The following CNTNAP5 variants were observed in gnomAD, a reference collection of about 807,000 sequenced individuals.
The protein encoded by CNTNAP5 is contactin associated protein family member 5, also known as contactin-associated protein-like 5.
In CNTNAP5, 72 loss-of-function variants were observed where a neutral mutation model predicts 150.2. That is an observed-to-expected ratio of 0.48 (90% CI 0.40 to 0.58). CNTNAP5 has a LOEUF of 0.58. CNTNAP5 is among the 20% of genes least tolerant of loss of function. The probability of loss-of-function intolerance (pLI) is 0.00; values close to 1 mark genes in which losing one functional copy is unlikely to be tolerated. For missense variants in CNTNAP5, 1,636 were observed against 1,626.2 expected (o/e 1.01, Z -0.10); for synonymous variants, 672 against 619.8 (o/e 1.08, Z -1.25).
At position 124,917,884 on chromosome 2, in the gene CNTNAP5, G is replaced by A. The variant is rs1271313039; in HGVS notation, c.*3596G>A. Among the ~76,000 whole-genome samples, 2 of 152,074 alleles carry A rather than the reference G, an allele frequency of 1.3e-5. No homozygotes were observed. The highest frequency in any genetic ancestry group is 1.5e-5 in the Non-Finnish European group (1 of 68,002). The stretch of plus-strand genomic sequence containing the variant: ...GGTCCCGCACAATTATTTTTGTGAA[G>A]CATCTGCCAGACTGAAAGAAATGTA... On this transcript the variant is annotated 3_prime_UTR_variant, in exon 24 of 24. Transcript: ENST00000682447.
At chr2:124,181,574 A>C (rs1185303226) in intron 1 of CNTNAP5, among the ~76,000 whole-genome samples, 1 of 152,172 alleles carries the variant, frequency 6.6e-6, no homozygotes, top group Non-Finnish European at 1.5e-5. Context: ...TAAGTGGATA[A>C]AGTGTCCCAT....
chr2:124,823,921 T>C (rs935305510), intron 19 of CNTNAP5, among the ~76,000 whole-genome samples: 2 of 149,652 alleles, frequency 1.3e-5, no homozygotes, highest in African/African-American at 2.5e-5. Flanking sequence ...ATTTTTTTTT[T>C]CTTTTTTTTT....
At chr2:124,179,667 T>C (rs1685163139) in intron 1 of CNTNAP5, among the ~76,000 whole-genome samples, 1 of 152,226 alleles carries the variant, frequency 6.6e-6, no homozygotes, top group South Asian at 2.1e-4. Context: ...CCTTTAATTA[T>C]ATGAAATGTC....
chr2:124,883,539 T>A (rs1409391523), intron 21 of CNTNAP5, among the ~76,000 whole-genome samples: 1 of 152,068 alleles, frequency 6.6e-6, no homozygotes, highest in African/African-American at 2.4e-5. Context: ...AATATGGAAT[T>A]TCCAGTTTAA....
intron 3 of CNTNAP5, among the ~76,000 whole-genome samples, chr2:124,390,648 G>C (rs968404801): frequency 1.3e-5 from 2 of 152,124 alleles, no homozygotes; most frequent in East Asian, 3.9e-4. Context: ...ATGTCAGTTT[G>C]TACTAACAGA....
rs763154292 is a variant in CNTNAP5 at position 124,798,180 on chromosome 2, C to T, written c.3077C>T (p.Ser1026Leu). Residue 1026 changes from serine to leucine, a missense_variant, in exon 19 of 24, where the codon TCA becomes TTA. Transcript: ENST00000682447. ...CCTGTGACCAAGAATATAAGCCTCT[C>T]ATCCTCAGCTATTTACACAGATTCA... ...PYPVTKNISL[S>L]SSAIYTDSAP... 24 of 1,613,736 alleles carry T rather than the reference C, an allele frequency of 1.5e-5. No homozygotes were observed. The highest frequency in any genetic ancestry group is 2.0e-5 in the Non-Finnish European group (24 of 1,179,804).
chr2:124,351,061 G>A lies in CNTNAP5; in HGVS notation c.382-66382G>A, dbSNP rs571797412. The stretch of plus-strand genomic sequence containing the variant: ...CTCTGATATCACCTTATCTGTACAC[G>A]ACAGATAGTGTCTTTGATAGTTACA... On this transcript the variant is annotated intron_variant, in intron 3 of 23. Coordinates refer to ENST00000682447, the MANE Select transcript of CNTNAP5 (RefSeq NM_001367498.1). 1.2e-4 allele frequency among the ~76,000 whole-genome samples: 18 copies of A among 152,188 alleles called. 1 individual carries two copies. Among genetic ancestry groups the A allele is most frequent in the East Asian group, 9.7e-4 (5 of 5,180 alleles).
At chr2:124,142,381 T>C (rs539427215) in intron 1 of CNTNAP5, among the ~76,000 whole-genome samples, 3,825 of 151,360 alleles carry the variant, frequency 0.025, 180 homozygotes, top group African/African-American at 0.087. Flanking sequence ...ATTGACCACA[T>C]AGTTGGAAGT....
At chr2:124,206,458 T>C (rs1363936491) in intron 1 of CNTNAP5, among the ~76,000 whole-genome samples, 3 of 152,226 alleles carry the variant, frequency 2.0e-5, no homozygotes, top group African/African-American at 7.2e-5. Context: ...CTTATTTTCC[T>C]AACCTACCAT....
intron 1 of CNTNAP5, among the ~76,000 whole-genome samples, chr2:124,133,867 ATTG>A (rs1168843048): frequency 6.6e-6 from 1 of 152,156 alleles, no homozygotes; most frequent in Non-Finnish European, 1.5e-5. Context: ...TGTATATTTT[ATTG>A]TTTTCTACAG....
At chr2:124,273,458 A>G (rs534866425) in intron 3 of CNTNAP5, among the ~76,000 whole-genome samples, 5 of 152,270 alleles carry the variant, frequency 3.3e-5, no homozygotes, top group Admixed American at 2.0e-4. Context: ...AGCTGACTTA[A>G]TGAGTTTTTC....
At chr2:124,737,402 C>T (rs1016775659) in intron 13 of CNTNAP5, among the ~76,000 whole-genome samples, 1 of 152,040 alleles carries the variant, frequency 6.6e-6, no homozygotes, top group African/African-American at 2.4e-5. Context: ...ACATCAGCCT[C>T]TATGAAGACC....
chr2:124,572,727 A>G (rs1374002132), intron 11 of CNTNAP5, among the ~76,000 whole-genome samples: 2 of 152,208 alleles, frequency 1.3e-5, no homozygotes, highest in Non-Finnish European at 2.9e-5. Flanking sequence ...TCACATTCTC[A>G]GCTCTAGCCC....
intron 10 of CNTNAP5, among the ~76,000 whole-genome samples, chr2:124,528,153 C>A (rs1695020033): frequency 6.6e-6 from 1 of 152,156 alleles, no homozygotes; most frequent in South Asian, 2.1e-4. Flanking sequence ...TTCTGCTCAC[C>A]CTTGTCAAAA....
intron 3 of CNTNAP5, among the ~76,000 whole-genome samples, chr2:124,297,144 A>C (rs1313568150): frequency 1.3e-5 from 2 of 152,238 alleles, no homozygotes; most frequent in Admixed American, 1.3e-4. Flanking sequence ...AGAAAGTTAG[A>C]GCCACAAGGA....
At chr2:124,175,010 T>C (rs150129683) in intron 1 of CNTNAP5, among the ~76,000 whole-genome samples, 31 of 152,340 alleles carry the variant, frequency 2.0e-4, no homozygotes, top group African/African-American at 7.0e-4. Flanking sequence ...CAATAAAATA[T>C]GTTTAATTAA....
chr2:124,419,495 T>G (rs531335829), intron 4 of CNTNAP5, among the ~76,000 whole-genome samples: 2 of 152,322 alleles, frequency 1.3e-5, no homozygotes, highest in Admixed American at 1.3e-4. Context: ...GTATCTTTTC[T>G]ACAGTATGAG....
At chr2:124,812,574 T>A (rs1414964677) in intron 19 of CNTNAP5, among the ~76,000 whole-genome samples, 1 of 152,194 alleles carries the variant, frequency 6.6e-6, no homozygotes, top group Non-Finnish European at 1.5e-5. Context: ...TCTCTCTAAA[T>A]CCAGCCACCT....
At chr2:124,060,346 C>G (rs1305055793) in intron 1 of CNTNAP5, among the ~76,000 whole-genome samples, 1 of 152,178 alleles carries the variant, frequency 6.6e-6, no homozygotes, top group African/African-American at 2.4e-5. Context: ...ATTTGAAAAA[C>G]AGCTGGAGGT....
Sources: gnomAD v4.1 joint callset for allele counts (sites outside exome capture counted in the v4.1 genomes callset) on GRCh38, gnomAD v4.1.1 for gene constraint, MANE v1.5 for transcripts, NCBI Gene and HGNC (gene_info 2026-07-23, HGNC 2026-07-21) for gene names.